Variants in NAPB observed in about 807,000 individuals in gnomAD.
NAPB encodes beta-soluble NSF attachment protein.
In NAPB, 26 loss-of-function variants were observed where a neutral mutation model predicts 44.7. The ratio of observed to expected loss-of-function variants is 0.58; its 90% CI spans 0.43 to 0.81. The LOEUF is 0.81. Among genes scored for constraint, NAPB ranks in the 30% least tolerant of loss-of-function variants. The pLI is 0.00. For synonymous variants in NAPB, 120 were observed against 116.8 expected (o/e 1.03, Z -0.18); for missense variants, 315 against 356.4 (o/e 0.88, Z 0.94).
intron 1 of NAPB, among the ~76,000 whole-genome samples, chr20:23,405,202 G>A (rs546643833): frequency 6.6e-6 from 1 of 151,976 alleles, no homozygotes; most frequent in East Asian, 1.9e-4. Context: ...CTACTTGAGG[G>A]ACTGAGGTTA....
At chr20:23,380,653 G>C (rs1982925531) in intron 8 of NAPB, 1 of 152,964 alleles carries the variant, frequency 6.5e-6, no homozygotes, top group African/African-American at 2.4e-5. Flanking sequence ...CTCTCAAGTA[G>C]CTGGACTTAC....
At chr20:23,405,570 A>G (rs1486652054) in intron 1 of NAPB, among the ~76,000 whole-genome samples, 2 of 152,136 alleles carry the variant, frequency 1.3e-5, no homozygotes, top group Non-Finnish European at 2.9e-5. Flanking sequence ...GTAAAAATAC[A>G]AAAATTAGCT....
intron 7 of NAPB, among the ~76,000 whole-genome samples, chr20:23,381,952 T>C (rs73901819): frequency 0.028 from 4,258 of 152,214 alleles, 189 homozygotes; most frequent in African/African-American, 0.097. Context: ...TACCTCTGCT[T>C]AGGAGCTTCA....
At chr20:23,377,748 AAC>A (rs1305744973) in intron 10 of NAPB, among the ~76,000 whole-genome samples, 3 of 152,344 alleles carry the variant, frequency 2.0e-5, no homozygotes, top group Non-Finnish European at 4.4e-5. Flanking sequence ...AAAATTCATT[AAC>A]AGTCATAATT....
intron 2 of NAPB, among the ~76,000 whole-genome samples, chr20:23,398,151 A>G (rs900731015): frequency 1.3e-5 from 2 of 152,180 alleles, no homozygotes; most frequent in Admixed American, 6.5e-5. Context: ...AAACTTCCTG[A>G]GTTCAGAGAA....
intron 5 of NAPB, among the ~76,000 whole-genome samples, chr20:23,390,589 G>A (rs1216828795): frequency 6.6e-6 from 1 of 152,200 alleles, no homozygotes; most frequent in Non-Finnish European, 1.5e-5. Context: ...TCCCAGGCTT[G>A]GGCCATATAT....
intron 1 of NAPB, among the ~76,000 whole-genome samples, chr20:23,419,253 C>T (rs1171052841): frequency 1.3e-5 from 2 of 152,152 alleles, no homozygotes; most frequent in African/African-American, 2.4e-5. Flanking sequence ...ACCTGTTGTA[C>T]CCAGGTAAGA....
intron 2 of NAPB, among the ~76,000 whole-genome samples, chr20:23,402,382 C>T (rs1984916777): frequency 6.6e-6 from 1 of 152,216 alleles, no homozygotes; most frequent in South Asian, 2.1e-4. Flanking sequence ...GCCATCCCAT[C>T]TCAGACCAAT....
intron 1 of NAPB, among the ~76,000 whole-genome samples, chr20:23,413,995 T>C (rs554807251): frequency 2.0e-5 from 3 of 152,166 alleles, no homozygotes; most frequent in African/African-American, 4.8e-5. Flanking sequence ...TACAAATGAA[T>C]TGTAGATAAA....
chr20:23,380,976 C>G, intron 8 of NAPB: 24 of 423,632 alleles, frequency 5.7e-5, no homozygotes, highest in Middle Eastern at 6.7e-4. Flanking sequence ...TGAGATCAGA[C>G]GAGATTGGGT....
chr20:23,384,612 A>T (rs1250185641), intron 7 of NAPB, among the ~76,000 whole-genome samples: 2 of 151,912 alleles, frequency 1.3e-5, no homozygotes, highest in East Asian at 3.9e-4. Context: ...ACAGAGTGAG[A>T]CCCAGTCTCA....
In NAPB at chr20:23,421,410, G is replaced by A. The variant is rs186651564; in HGVS notation, c.-8C>T. The A allele has an allele frequency of 7.9e-5, 122 of 1,541,596 alleles. No homozygotes were observed. The African/African-American group carries it at 1.4e-3, about 17-fold the overall frequency. On this transcript the variant is annotated 5_prime_UTR_variant, in exon 1 of 11. Coordinates refer to ENST00000377026, the MANE Select transcript of NAPB (RefSeq NM_022080.3). ...CTTCCCCGCGTTGTCCATGTCGCCC[G>A]CCGCGGCCGCCACAGCCCCCTCAGC...
intron 3 of NAPB, 89 bp from the exon 4 acceptor site, chr20:23,395,274 A>G (rs931803021): frequency 5.1e-6 from 7 of 1,375,124 alleles, no homozygotes; most frequent in Non-Finnish European, 7.1e-6. Flanking sequence ...TGTTATCAGA[A>G]CGTTAATGAG....
chr20:23,416,231 T>C (rs1985996444), intron 1 of NAPB, among the ~76,000 whole-genome samples: 1 of 152,042 alleles, frequency 6.6e-6, no homozygotes, highest in Non-Finnish European at 1.5e-5. Flanking sequence ...CCAGAGTAAC[T>C]GCACCTCACA....
At chr20:23,419,701 T>G (rs1322373767) in intron 1 of NAPB, among the ~76,000 whole-genome samples, 1 of 152,256 alleles carries the variant, frequency 6.6e-6, no homozygotes, top group African/African-American at 2.4e-5. Flanking sequence ...GTCATAACTT[T>G]TAAATGCAAA....
chr20:23,402,993 C>G lies in NAPB; in HGVS notation c.178G>C (p.Ala60Pro), dbSNP rs1421814534. ...NMFKMAKNWS[A>P]AGNAFCQAAK... ...AAGCAAACAAAAACTTTGTACATAC[C>G]ACTCCAATTTTTAGCCATCTTGAAC... The change falls in exon 2 of 11, where the codon GCT (alanine) becomes CCT (proline). Residue 60 changes from alanine to proline, a missense_variant and splice_region_variant. Physicochemically the swap from Ala to Pro is conservative, Grantham distance 27. Transcript: ENST00000377026. The G allele has an allele frequency of 1.9e-6, 3 of 1,612,184 alleles. No homozygotes were observed. Among genetic ancestry groups the G allele is most frequent in the Non-Finnish European group, 2.5e-6 (3 of 1,178,732 alleles).
chr20:23,387,538 T>A (rs1163908165), intron 7 of NAPB, among the ~76,000 whole-genome samples: 1 of 152,186 alleles, frequency 6.6e-6, no homozygotes, highest in East Asian at 1.9e-4. Context: ...TTTGGCATGG[T>A]TGCAGGACAA....
chr20:23,415,992 GAAGA>G (rs1985981643), intron 1 of NAPB, among the ~76,000 whole-genome samples: 1 of 152,218 alleles, frequency 6.6e-6, no homozygotes, highest in Admixed American at 6.5e-5. Flanking sequence ...AAATAAAACG[GAAGA>G]AAGCGACTTA....
chr20:23,405,546 A>G (rs1985186424), intron 1 of NAPB, among the ~76,000 whole-genome samples: 1 of 152,128 alleles, frequency 6.6e-6, no homozygotes, highest in Admixed American at 6.5e-5. Context: ...AACTTGGTGA[A>G]ACCTCCATCT....
Sources: allele counts gnomAD v4.1 joint callset (sites outside exome capture counted in the v4.1 genomes callset), GRCh38; gene constraint gnomAD v4.1.1; transcripts MANE v1.5; gene names NCBI Gene and HGNC (gene_info 2026-07-23, HGNC 2026-07-21).